TMPRSS9: variants seen among roughly 807,000 people sequenced by gnomAD.
The protein encoded by TMPRSS9 is transmembrane protease serine 9.
A neutral mutation model predicts 111.4 loss-of-function variants in TMPRSS9; 113 were observed. The ratio of observed to expected loss-of-function variants is 1.01; its 90% CI spans 0.87 to 1.19. TMPRSS9 has a LOEUF of 1.19. TMPRSS9 is among the 50% of genes most tolerant of loss of function. The pLI, the probability that TMPRSS9 is intolerant of heterozygous loss-of-function variation, is 0.00. For missense variants in TMPRSS9, 1,803 were observed against 1,513.1 expected (o/e 1.19, Z -3.18); for synonymous variants, 805 against 659.1 (o/e 1.22, Z -3.39).
chr19:2,395,538 C>T (rs1188575739), intron 1 of TMPRSS9, among the ~76,000 whole-genome samples: 2 of 151,954 alleles, frequency 1.3e-5, no homozygotes, highest in Admixed American at 1.3e-4. Context: ...ACCAGCCTGG[C>T]CAACATGGAG....
intron 1 of TMPRSS9, among the ~76,000 whole-genome samples, chr19:2,368,137 C>T (rs1257984964): frequency 2.0e-5 from 3 of 152,152 alleles, no homozygotes; most frequent in African/African-American, 4.8e-5. Context: ...AGGGAAATAA[C>T]TTGCTCTTTC....
intron 1 of TMPRSS9, among the ~76,000 whole-genome samples, chr19:2,368,116 C>T (rs1289678982): frequency 1.3e-5 from 2 of 152,074 alleles, no homozygotes; most frequent in East Asian, 1.9e-4. Flanking sequence ...TTTGTGGGGC[C>T]GGAGAGGCAG....
chr19:2,392,235 A>ATT, intron 1 of TMPRSS9, among the ~76,000 whole-genome samples: 1 of 152,066 alleles, frequency 6.6e-6, no homozygotes, highest in Non-Finnish European at 1.5e-5. Flanking sequence ...AAATTTTATA[A>ATT]TGTTTTCAGT....
chr19:2,389,766 T>C (rs1416438842), exon 1 of TMPRSS9: 3 of 1,603,992 alleles, frequency 1.9e-6, no homozygotes, highest in African/African-American at 2.7e-5. Context: ...TCCAGCTCGC[T>C]GTCTGCGTGT....
chr19:2,413,649 T>A, intron 9 of TMPRSS9, 51 bp from the exon 11 acceptor site: 1 of 1,555,742 alleles, frequency 6.4e-7, no homozygotes, highest in Non-Finnish European at 8.7e-7. Context: ...AGCACTGGTG[T>A]CTGGACTGGC....
chr19:2,397,578 C>G (rs565440123), intron 2 of TMPRSS9, among the ~76,000 whole-genome samples: 2 of 151,982 alleles, frequency 1.3e-5, no homozygotes, highest in Admixed American at 1.3e-4. Context: ...CCATTTTATT[C>G]GAAGAGAAAC....
At chr19:2,421,772 T>C in intron 13 of TMPRSS9, 82 bp from the exon 15 acceptor site, 1 of 1,450,470 alleles carries the variant, frequency 6.9e-7, no homozygotes, top group Non-Finnish European at 9.3e-7. Context: ...TCCCACCCAC[T>C]GTAGGAACGC....
At chr19:2,403,982 ACT>A (rs1271381768) in intron 6 of TMPRSS9, among the ~76,000 whole-genome samples, 2 of 134,906 alleles carry the variant, frequency 1.5e-5, no homozygotes, top group Non-Finnish European at 3.1e-5. Flanking sequence ...ACAGAGCGAG[ACT>A]CTGTCTCAAA....
At chr19:2,363,813 C>CGCGCGTGTGT (rs1445768519) in intron 1 of TMPRSS9, among the ~76,000 whole-genome samples, 3 of 112,808 alleles carry the variant, frequency 2.7e-5, no homozygotes, top group Admixed American at 1.1e-4. Context: ...TGCGTGCGCG[C>CGCGCGTGTGT]GTGTGTGTGT....
At chr19:2,409,769 A>G (rs1269475517) in intron 8 of TMPRSS9, among the ~76,000 whole-genome samples, 5 of 152,030 alleles carry the variant, frequency 3.3e-5, no homozygotes, top group Non-Finnish European at 5.9e-5. Flanking sequence ...GACTGATTTA[A>G]TATTTAGCAA....
exon 7 of TMPRSS9, chr19:2,405,391 G>T (rs1164104559): frequency 6.2e-7 from 1 of 1,602,552 alleles, no homozygotes; most frequent in African/African-American, 1.4e-5. Flanking sequence ...CTTGCAGCCT[G>T]CCTGGAGGAT....
exon 12 of TMPRSS9, chr19:2,416,727 C>T (rs543747186): frequency 1.9e-6 from 3 of 1,613,186 alleles, no homozygotes; most frequent in Non-Finnish European, 2.5e-6. Flanking sequence ...TCCAGCCTGT[C>T]TGCCTGCCCC....
chr19:2,396,516 A>T (rs756063267), intron 1 of TMPRSS9, 23 bp from the exon 3 acceptor site: 1 of 1,577,662 alleles, frequency 6.3e-7, no homozygotes, highest in Admixed American at 1.8e-5. Flanking sequence ...GGGCTCTCTC[A>T]CGGGCCCTGG....
At chr19:2,396,488 C>T (rs565215746) in intron 1 of TMPRSS9, 51 bp from the exon 3 acceptor site, 2 of 1,531,264 alleles carry the variant, frequency 1.3e-6, no homozygotes, top group Admixed American at 2.0e-5. Flanking sequence ...CTCAGCGGAG[C>T]CCTGAGCCCC....
At chr19:2,411,432 C>A (rs991432243) in intron 9 of TMPRSS9, among the ~76,000 whole-genome samples, 1 of 129,676 alleles carries the variant, frequency 7.7e-6, no homozygotes, top group Non-Finnish European at 1.6e-5. Context: ...GAGTCTCACT[C>A]TGTCACCCAG....
intron 1 of TMPRSS9, among the ~76,000 whole-genome samples, chr19:2,371,503 A>G (rs1029813019): frequency 6.6e-6 from 1 of 151,950 alleles, no homozygotes; most frequent in Non-Finnish European, 1.5e-5. Context: ...CCTGGGTGAC[A>G]CAGCAAAACC....
intron 9 of TMPRSS9, among the ~76,000 whole-genome samples, chr19:2,412,459 G>C (rs1301241251): frequency 6.6e-6 from 1 of 152,076 alleles, no homozygotes; most frequent in Non-Finnish European, 1.5e-5. Context: ...TCTTATATTT[G>C]CTATTCACTT....
At chr19:2,385,524 A>G (rs1461573265), upstream of TMPRSS9, among the ~76,000 whole-genome samples, 1 of 151,940 alleles carries the variant, frequency 6.6e-6, no homozygotes, top group Non-Finnish European at 1.5e-5. Context: ...CTTAGTGATG[A>G]CTCATCAGTG....
chr19:2,390,079 C>T (rs1376395136), intron 1 of TMPRSS9, 152 bp downstream of exon 2: 23 of 957,090 alleles, frequency 2.4e-5, no homozygotes, highest in South Asian at 1.2e-4. Context: ...GGCGGGTGGG[C>T]GGGGAGTGGA....
Sources: gnomAD v4.1 joint callset for allele counts (sites outside exome capture counted in the v4.1 genomes callset) on GRCh38, gnomAD v4.1.1 for gene constraint, MANE v1.5 for transcripts, NCBI Gene and HGNC (gene_info 2026-07-23, HGNC 2026-07-21) for gene names.